Variants in DOK6 observed in about 807,000 individuals in gnomAD.
The protein encoded by DOK6 is docking protein 6, also known as downstream of tyrosine kinase 6.
A neutral mutation model predicts 44.0 loss-of-function variants in DOK6; 22 were observed. The observed-to-expected ratio is 0.50, with a 90% CI of 0.36 to 0.71. DOK6 has a LOEUF of 0.71. Among genes scored for constraint, DOK6 ranks in the 30% least tolerant of loss-of-function variants. The pLI, the probability that DOK6 is intolerant of heterozygous loss-of-function variation, is 0.00. For synonymous variants in DOK6, 166 were observed against 145.5 expected (o/e 1.14, Z -1.01); for missense variants, 340 against 416.4 (o/e 0.82, Z 1.60).
rs768002147 is a variant in DOK6 at position 69,698,608 on chromosome 18, A to G, written c.599+15A>G. The G allele has an allele frequency of 1.6e-5, 25 of 1,609,604 alleles. No homozygotes were observed. Among genetic ancestry groups the G allele is most frequent in the African/African-American group, 2.7e-5 (2 of 74,854 alleles). ...GAGTCAGGAAGGTAAGATCTAGTGC[A>G]GCAGCCAAGTGCAGGAGTTGTCTGT... On this transcript the variant is annotated intron_variant, in intron 5 of 7. Coordinates refer to ENST00000382713, the MANE Select transcript of DOK6 (RefSeq NM_152721.6).
At chr18:69,655,005 C>T (rs1158082487) in intron 3 of DOK6, among the ~76,000 whole-genome samples, 1 of 152,170 alleles carries the variant, frequency 6.6e-6, no homozygotes, top group Non-Finnish European at 1.5e-5. Flanking sequence ...CTACAGTGAG[C>T]CATGACTGCA....
At position 69,712,280 on chromosome 18, in the gene DOK6, C is replaced by CAAAAAAAAAA. The variant is rs869202861; in HGVS notation, c.599+13724_599+13733dup. 3.1e-4 allele frequency among the ~76,000 whole-genome samples: 7 copies of CAAAAAAAAAA among 22,672 alleles called. 1 individual carries two copies. The highest frequency in any genetic ancestry group is 4.5e-4 in the Non-Finnish European group (6 of 13,300). 14.9% of individuals were successfully genotyped at this position (22,672 alleles called of 152,430 possible). ...TGGGCGACAGAGCGAGACTCCGTCT[C>CAAAAAAAAAA]AAAAAAAAAAAAAAAAAAAAAAAAA... is the stretch of plus-strand genomic sequence containing the variant. On this transcript the variant is annotated intron_variant, in intron 5 of 7. Coordinates refer to ENST00000382713, the MANE Select transcript of DOK6 (RefSeq NM_152721.6).
intron 7 of DOK6, among the ~76,000 whole-genome samples, chr18:69,820,858 G>A (rs541216610): frequency 2.6e-4 from 39 of 152,032 alleles, no homozygotes; most frequent in African/African-American, 8.4e-4. Flanking sequence ...ACACATGGAC[G>A]CATAGAGGGG....
At chr18:69,437,780 C>A (rs2122436506) in intron 1 of DOK6, among the ~76,000 whole-genome samples, 1 of 152,196 alleles carries the variant, frequency 6.6e-6, no homozygotes, top group African/African-American at 2.4e-5. Flanking sequence ...AAATATTGTT[C>A]ATTCAGGCAT....
intron 6 of DOK6, among the ~76,000 whole-genome samples, chr18:69,754,165 T>C (rs1349817641): frequency 6.6e-6 from 1 of 152,014 alleles, no homozygotes; most frequent in African/African-American, 2.4e-5. Flanking sequence ...GGATGAGTTT[T>C]AATTAAATAG....
chr18:69,799,315 G>C (rs545366106), intron 7 of DOK6, among the ~76,000 whole-genome samples: 44 of 152,038 alleles, frequency 2.9e-4, no homozygotes, highest in Non-Finnish European at 5.7e-4. Flanking sequence ...CTGAAGACTA[G>C]CTAAAAAAGA....
At chr18:69,476,498 C>T (rs1010335440) in intron 1 of DOK6, among the ~76,000 whole-genome samples, 46 of 152,238 alleles carry the variant, frequency 3.0e-4, no homozygotes, top group Admixed American at 2.6e-4. Context: ...CGGAGGAAAT[C>T]GATGGCATTC....
intron 1 of DOK6, among the ~76,000 whole-genome samples, chr18:69,535,028 G>A (rs547132275): frequency 4.6e-5 from 7 of 151,990 alleles, no homozygotes; most frequent in Non-Finnish European, 1.0e-4. Flanking sequence ...CTATATCAAT[G>A]TGCTTCCCTG....
chr18:69,452,123 AG>A (rs901305356), intron 1 of DOK6, among the ~76,000 whole-genome samples: 41 of 152,192 alleles, frequency 2.7e-4, no homozygotes, highest in African/African-American at 9.4e-4. Flanking sequence ...TGAATCCAGG[AG>A]CTGGTTTTTG....
At chr18:69,554,366 A>G (rs1010469364) in intron 1 of DOK6, among the ~76,000 whole-genome samples, 19 of 152,194 alleles carry the variant, frequency 1.2e-4, no homozygotes, top group South Asian at 8.3e-4. Flanking sequence ...TCACCTAAGC[A>G]TGCATCTTTG....
At chr18:69,505,183 T>G (rs980760222) in intron 1 of DOK6, among the ~76,000 whole-genome samples, 1 of 152,234 alleles carries the variant, frequency 6.6e-6, no homozygotes, top group Non-Finnish European at 1.5e-5. Context: ...GTTTTCCTTT[T>G]GTCAGGTAAG....
chr18:69,587,797 GAAGT>G (rs1271306428), intron 2 of DOK6, among the ~76,000 whole-genome samples: 2 of 51,450 alleles, frequency 3.9e-5, no homozygotes, highest in East Asian at 1.1e-3. Flanking sequence ...ACACACACGA[GAAGT>G]AAGTGCCAAG....
intron 1 of DOK6, among the ~76,000 whole-genome samples, chr18:69,521,888 A>G (rs1227201691): frequency 2.0e-5 from 3 of 151,968 alleles, no homozygotes. Context: ...GTCATATTGT[A>G]CCCCATAAAT....
chr18:69,594,753 T>A (rs1983702830), intron 2 of DOK6, among the ~76,000 whole-genome samples: 1 of 151,370 alleles, frequency 6.6e-6, no homozygotes, highest in Non-Finnish European at 1.5e-5. Context: ...CTTTGGGAGG[T>A]GGAGGCAGGA....
intron 7 of DOK6, among the ~76,000 whole-genome samples, chr18:69,839,719 G>A (rs1982159438): frequency 6.6e-6 from 1 of 152,216 alleles, no homozygotes; most frequent in Non-Finnish European, 1.5e-5. Context: ...AGGACCCTGG[G>A]AGAGAGGGGA....
At chr18:69,811,275 G>C (rs955218597) in intron 7 of DOK6, among the ~76,000 whole-genome samples, 1 of 151,908 alleles carries the variant, frequency 6.6e-6, no homozygotes, top group African/African-American at 2.4e-5. Context: ...CAGAAGCATA[G>C]AGTCCAGTGG....
chr18:69,779,600 C>T (rs150459949), intron 7 of DOK6, among the ~76,000 whole-genome samples: 2,988 of 152,036 alleles, frequency 0.02, 52 homozygotes, highest in Admixed American at 0.036. Flanking sequence ...CAAGTTACTA[C>T]TCTTTTGATT....
At position 69,780,060 on chromosome 18, in the gene DOK6, C is replaced by T. The variant is rs895687789; in HGVS notation, c.856+22187C>T. Among the ~76,000 whole-genome samples, 6 of 152,198 alleles carry T rather than the reference C, an allele frequency of 3.9e-5. No individual in the cohort carries two copies. In the East Asian group the frequency reaches 9.6e-4, roughly 24 times the overall value. ...GCATGAAAATATGGTCCTACCTTCACATTTGAGAAAACAAAAATTTCTGAA... is the reference window on the plus strand; with the variant it reads ...GCATGAAAATATGGTCCTACCTTCATATTTGAGAAAACAAAAATTTCTGAA... On this transcript the variant is annotated intron_variant, in intron 7 of 7. Transcript: ENST00000382713.
intron 7 of DOK6, among the ~76,000 whole-genome samples, chr18:69,762,083 G>A (rs1303069121): frequency 6.6e-6 from 1 of 152,200 alleles, no homozygotes; most frequent in African/African-American, 2.4e-5. Flanking sequence ...CAACTTGGCA[G>A]AAGGATTGCT....
Sources: allele counts gnomAD v4.1 joint callset (sites outside exome capture counted in the v4.1 genomes callset), GRCh38; gene constraint gnomAD v4.1.1; transcripts MANE v1.5; gene names NCBI Gene and HGNC (gene_info 2026-07-23, HGNC 2026-07-21).